The following BACH2 variants were observed in gnomAD, a reference collection of about 807,000 sequenced individuals.
The protein encoded by BACH2 is transcription regulator protein BACH2.
Under a neutral mutation model 61.8 loss-of-function variants are expected in BACH2, and 5 were observed. The ratio of observed to expected loss-of-function variants is 0.08; its 90% CI spans 0.04 to 0.17. The LOEUF (loss-of-function observed/expected upper bound fraction) is 0.17, where lower values mean the gene tolerates loss of function less well. Ranked by LOEUF, BACH2 falls within the 10% of genes least tolerant of loss-of-function variation. The pLI is 1.00. For synonymous variants in BACH2, 446 were observed against 440.1 expected (o/e 1.01, Z -0.17); for missense variants, 824 against 1,091.1 (o/e 0.76, Z 3.45).
At chr6:90,218,454 C>A (rs1769616254) in intron 3 of BACH2, among the ~76,000 whole-genome samples, 1 of 152,016 alleles carries the variant, frequency 6.6e-6, no homozygotes, top group African/African-American at 2.4e-5. Context: ...GCGCACATTC[C>A]CCTGGCTTCC....
chr6:90,295,718 G>C (rs1772333660), intron 1 of BACH2, among the ~76,000 whole-genome samples: 1 of 152,048 alleles, frequency 6.6e-6, no homozygotes, highest in Admixed American at 6.5e-5. Context: ...CTGTGGGAGA[G>C]GAGGTGCAAG....
At chr6:90,211,274 GGCCAAGT>G (rs1769339992) in intron 3 of BACH2, among the ~76,000 whole-genome samples, 1 of 152,072 alleles carries the variant, frequency 6.6e-6, no homozygotes, top group Non-Finnish European at 1.5e-5. Context: ...TTGGTAACAT[GGCCAAGT>G]GCCCCTCACC....
chr6:90,072,159 G>A lies in BACH2; in HGVS notation c.-13+16802C>T, dbSNP rs142987234. 2.2e-3 allele frequency among the ~76,000 whole-genome samples: 328 copies of A among 152,344 alleles called. 2 individuals are homozygous for A. Among genetic ancestry groups the A allele is most frequent in the Middle Eastern group, 0.017 (5 of 294 alleles). On this transcript the variant is annotated intron_variant, in intron 5 of 8. Transcript: ENST00000257749. ...TGTTCTCCTGTTTTAAGAAGTATCTGTTGCATGGAGTTGAAAGTTCTTCAA... is the reference window on the plus strand; with the variant it reads ...TGTTCTCCTGTTTTAAGAAGTATCTATTGCATGGAGTTGAAAGTTCTTCAA...
chr6:90,142,906 G>A (rs887090010), intron 4 of BACH2, among the ~76,000 whole-genome samples: 2 of 152,172 alleles, frequency 1.3e-5, no homozygotes, highest in African/African-American at 4.8e-5. Context: ...CATGATTAGA[G>A]GCAGGCTAAG....
intron 5 of BACH2, among the ~76,000 whole-genome samples, chr6:90,028,041 C>T (rs1359388056): frequency 6.6e-6 from 1 of 152,152 alleles, no homozygotes; most frequent in Non-Finnish European, 1.5e-5. Context: ...CCAAGACCTG[C>T]AAGAGAATGA....
intron 5 of BACH2, among the ~76,000 whole-genome samples, chr6:90,082,051 A>G (rs1302469148): frequency 6.6e-6 from 1 of 152,202 alleles, no homozygotes. Flanking sequence ...ACAGCACAAG[A>G]AGGCATATAT....
chr6:90,113,817 A>G (rs2127817056), intron 4 of BACH2, among the ~76,000 whole-genome samples: 1 of 152,290 alleles, frequency 6.6e-6, no homozygotes, highest in East Asian at 1.9e-4. Flanking sequence ...AATAAACGCA[A>G]TTAGAAATGA....
intron 7 of BACH2, among the ~76,000 whole-genome samples, chr6:89,941,649 C>T (rs368936867): frequency 1.1e-4 from 17 of 152,202 alleles, no homozygotes; most frequent in East Asian, 7.7e-4. Context: ...AGATCCTGCA[C>T]GGTGTCTCCG....
chr6:89,932,752 G>A lies in BACH2; in HGVS notation c.2182C>T (p.Arg728Trp), dbSNP rs780883403. 7.4e-6 allele frequency: 12 copies of A among 1,614,064 alleles called. No individual in the cohort carries two copies. Among genetic ancestry groups the A allele is most frequent in the African/African-American group, 1.3e-5 (1 of 74,926 alleles). ...ATGGGTCTGAGGACAGGGCAATACCGATGCAGGGCCTGGATCTGCTCGGGG... is the reference window on the plus strand; with the variant it reads ...ATGGGTCTGAGGACAGGGCAATACCAATGCAGGGCCTGGATCTGCTCGGGG... ...QSPEQIQALHRYCPVLRPMDL... is the reference protein window; with the variant it reads ...QSPEQIQALHWYCPVLRPMDL... Residue 728 changes from arginine to tryptophan, a missense_variant, in exon 9 of 9, where the codon CGG (arginine) becomes TGG (tryptophan). By Grantham distance (101) the Arg-to-Trp change is moderately radical. Coordinates refer to ENST00000257749, the MANE Select transcript of BACH2 (RefSeq NM_021813.4).
At position 89,951,135 on chromosome 6, in the gene BACH2, G is replaced by A. The variant is rs772342406; in HGVS notation, c.971C>T (p.Ala324Val). 2 of 1,609,670 alleles carry A rather than the reference G, an allele frequency of 1.2e-6. No individual in the cohort carries two copies. The highest frequency in any genetic ancestry group is 2.2e-5 in the East Asian group (1 of 44,834). The change falls in exon 7 of 9, where the codon GCT (alanine) becomes GTT (valine). Residue 324 changes from alanine (A) to valine (V), a missense_variant. Around this residue, in one of 8 missense-constraint regions of BACH2, gnomAD observed 226 missense variants for 228.5 expected, o/e 0.99. Transcript: ENST00000257749. This position sits in a 1 kb window ranked among gnomAD's most constrained non-coding sequence, Gnocchi z 6.4. ...PSPAPTPTAP[A>V]GAACLERSRS... The stretch of plus-strand genomic sequence containing the variant: ...GGATCTCTCCAGGCAGGCGGCCCCA[G>A]CTGGGGCCGTGGGGGTAGGGGCAGG...
chr6:90,053,733 T>C (rs561255143), intron 5 of BACH2, among the ~76,000 whole-genome samples: 5 of 152,344 alleles, frequency 3.3e-5, no homozygotes, highest in South Asian at 4.1e-4. Flanking sequence ...TCTCAGAACT[T>C]TGAAAATATT....
intron 5 of BACH2, among the ~76,000 whole-genome samples, chr6:90,028,006 A>G (rs1778723493): frequency 1.3e-5 from 2 of 152,176 alleles, no homozygotes; most frequent in African/African-American, 2.4e-5. Context: ...AAACCTGGGG[A>G]AGGGCCAATT....
intron 4 of BACH2, among the ~76,000 whole-genome samples, chr6:90,145,221 T>C (rs1784577889): frequency 6.6e-6 from 1 of 152,114 alleles, no homozygotes. Context: ...AAAGAATAGC[T>C]CATCTAATCT....
At chr6:90,039,933 G>A (rs993644398) in intron 5 of BACH2, among the ~76,000 whole-genome samples, 1 of 150,238 alleles carries the variant, frequency 6.7e-6, no homozygotes, top group African/African-American at 2.4e-5. Context: ...TGCATTGTTG[G>A]TCTTTTTCTG....
intron 6 of BACH2, among the ~76,000 whole-genome samples, chr6:89,969,549 G>A (rs1049652440): frequency 5.3e-5 from 8 of 152,122 alleles, no homozygotes; most frequent in African/African-American, 1.7e-4. Flanking sequence ...GACAGAGAGC[G>A]CAGCACCAAC....
At position 89,938,213 on chromosome 6, in the gene BACH2, G is replaced by A. The variant is rs1363022777; in HGVS notation, c.1974C>T (p.Ile658=). The change falls in exon 8 of 9, where the codon ATC becomes ATT. Residue 658 remains isoleucine, a synonymous_variant. Transcript: ENST00000257749. The part of the protein sequence containing the change: ...HDVRRRSKNR[I]AAQRCRKRKL... Reference sequence around the variant, plus strand: ...TCCTTTTGCGGCAGCGCTGGGCCGCGATGCGGTTCTTGCTGCGCCGTCGGA... The same window carrying A: ...TCCTTTTGCGGCAGCGCTGGGCCGCAATGCGGTTCTTGCTGCGCCGTCGGA... 6 of 1,614,104 alleles carry A rather than the reference G, an allele frequency of 3.7e-6. No individual in the cohort carries two copies. Among genetic ancestry groups the A allele is most frequent in the South Asian group, 2.2e-5 (2 of 91,090 alleles).
intron 5 of BACH2, among the ~76,000 whole-genome samples, chr6:90,079,624 T>C (rs1781635099): frequency 6.6e-6 from 1 of 152,190 alleles, no homozygotes; most frequent in Non-Finnish European, 1.5e-5. Flanking sequence ...TTTCCCAATA[T>C]ACCACTTACC....
intron 5 of BACH2, among the ~76,000 whole-genome samples, chr6:90,057,665 C>T (rs1352767596): frequency 1.3e-5 from 2 of 151,994 alleles, no homozygotes; most frequent in African/African-American, 4.8e-5. Context: ...GGCAGAGACA[C>T]AACAAAAAAA....
chr6:90,208,727 C>A (rs1769235707), intron 3 of BACH2, among the ~76,000 whole-genome samples: 1 of 152,196 alleles, frequency 6.6e-6, no homozygotes, highest in Non-Finnish European at 1.5e-5. Flanking sequence ...GATTATAAAT[C>A]ATTCTACCAT....
Sources: gnomAD v4.1 joint callset for allele counts (sites outside exome capture counted in the v4.1 genomes callset) on GRCh38, gnomAD v4.1.1 for gene constraint, gnomAD v4.1.1 regional missense constraint, Gnocchi (gnomAD v3.1) non-coding constraint, MANE v1.5 for transcripts, NCBI Gene and HGNC (gene_info 2026-07-23, HGNC 2026-07-21) for gene names.